Variants in IL7 observed in about 807,000 individuals in gnomAD.
The protein encoded by IL7 is interleukin-7.
A neutral mutation model predicts 21.6 loss-of-function variants in IL7; 3 were observed. The ratio of observed to expected loss-of-function variants is 0.14; its 90% confidence interval spans 0.06 to 0.36. The LOEUF is 0.36. IL7 is among the 10% of genes least tolerant of loss of function. IL7 has a pLI of 1.00. For missense variants in IL7, 175 were observed against 200.2 expected (o/e 0.87, Z 0.76); for synonymous variants, 62 against 68.1 (o/e 0.91, Z 0.44).
chr8:78,686,465 A>T, intron 3 of IL7: 1 of 1,340,586 alleles, frequency 7.5e-7, no homozygotes, highest in Non-Finnish European at 9.8e-7. Flanking sequence ...ATTTATTTAT[A>T]GCCAGAACCA....
intron 1 of IL7, among the ~76,000 whole-genome samples, chr8:78,798,434 A>G (rs543060693): frequency 5.3e-5 from 8 of 152,176 alleles, no homozygotes; most frequent in Non-Finnish European, 1.2e-4. Context: ...ATTACTCTTT[A>G]GGAAAGTGCA....
Position 78,700,338 on chromosome 8 carries a change from CTTTTTTTCTTGTAAGTTTG to C in IL7, n.215-14410_215-14392del, listed in dbSNP as rs1386111878. Among the ~76,000 whole-genome samples the C allele has an allele frequency of 6.0e-5, 9 of 151,134 alleles. No individual in the cohort carries two copies. In the South Asian group the frequency reaches 8.4e-4, roughly 14 times the overall value. On this transcript the variant is annotated intron_variant and non_coding_transcript_variant, in intron 3 of 4. Coordinates refer to the IL7 transcript ENST00000523959. ...TGTTTGTTTTTTTTCTTGTAAGTTT[CTTTTTTTCTTGTAAGTTTG>C]TTTTTTTCTTGTAAGTTTGTTTGTT...
intron 2 of IL7, among the ~76,000 whole-genome samples, chr8:78,791,476 C>A (rs1813692227): frequency 6.6e-6 from 1 of 152,006 alleles, no homozygotes; most frequent in Non-Finnish European, 1.5e-5. Context: ...CCCATCTCTA[C>A]TAAAAATACA....
rs1396697181 is a variant in IL7 at position 78,804,944 on chromosome 8, G to A, written c.-22C>T. On this transcript the variant is annotated 5_prime_UTR_variant, in exon 1 of 6. Transcript: ENST00000263851. ...ACATGGTCTGCGGGAGGCGGGCGTA[G>A]TCATGATGACCGCAACTGGAGCAGG... 3.1e-6 allele frequency: 5 copies of A among 1,611,018 alleles called. No individual in the cohort carries two copies. The highest frequency in any genetic ancestry group is 4.5e-5 in the East Asian group (2 of 44,744).
At chr8:78,796,538 GAGAT>G (rs916778944) in intron 2 of IL7, among the ~76,000 whole-genome samples, 1 of 151,848 alleles carries the variant, frequency 6.6e-6, no homozygotes, top group African/African-American at 2.4e-5. Flanking sequence ...AATTAAAAAA[GAGAT>G]AGTGCATGAT....
At position 78,804,950 on chromosome 8, in the gene IL7, A is replaced by T. The variant is rs755108905; in HGVS notation, c.-28T>A. 3 of 1,610,384 alleles carry T rather than the reference A, an allele frequency of 1.9e-6. No homozygotes were observed. Among genetic ancestry groups the T allele is most frequent in the South Asian group, 2.2e-5 (2 of 90,626 alleles). On this transcript the variant is annotated 5_prime_UTR_variant, in exon 1 of 6. Transcript: ENST00000263851. ...TCTGCGGGAGGCGGGCGTAGTCATG[A>T]TGACCGCAACTGGAGCAGGAGCAAG...
intron 2 of IL7, among the ~76,000 whole-genome samples, chr8:78,742,543 CTTATA>C (rs1811824517): frequency 6.6e-6 from 1 of 151,794 alleles, no homozygotes; most frequent in South Asian, 2.1e-4. Context: ...TCTTTTAACT[CTTATA>C]GTAGAGGAAA....
At chr8:78,720,449 T>G (rs1811217172) in intron 5 of IL7, among the ~76,000 whole-genome samples, 1 of 151,900 alleles carries the variant, frequency 6.6e-6, no homozygotes, top group African/African-American at 2.4e-5. Context: ...TGTTACTCAA[T>G]GCTCCTCATT....
chr8:78,798,056 C>T lies in IL7; in HGVS notation c.147+16G>A. 6.3e-7 allele frequency: 1 copy of T among 1,581,452 alleles called. No homozygotes were observed. The highest frequency in any genetic ancestry group is 2.3e-5 in the East Asian group (1 of 44,314). ...CCAATGCATGAAAATGTGAGTAAAA[C>T]AAAATAATCACATACCAATAATTGA... On this transcript the variant is annotated intron_variant, in intron 2 of 5. Coordinates refer to ENST00000263851, the MANE Select transcript of IL7 (RefSeq NM_000880.4).
At chr8:78,737,667 C>T (rs184574822) in intron 4 of IL7, among the ~76,000 whole-genome samples, 7 of 152,112 alleles carry the variant, frequency 4.6e-5, no homozygotes, top group Admixed American at 3.9e-4. Flanking sequence ...ACCATTTTAC[C>T]TTCTATGGGA....
At chr8:78,696,096 G>A (rs1005640092) in intron 3 of IL7, among the ~76,000 whole-genome samples, 2 of 151,706 alleles carry the variant, frequency 1.3e-5, no homozygotes, top group Admixed American at 1.3e-4. Flanking sequence ...GTGCAGTGGC[G>A]TGATCTCGGC....
intron 3 of IL7, among the ~76,000 whole-genome samples, chr8:78,693,655 G>A (rs1810296512): frequency 6.6e-6 from 1 of 151,954 alleles, no homozygotes; most frequent in African/African-American, 2.4e-5. Flanking sequence ...TGAGTAGATT[G>A]CAAAAATTTT....
At chr8:78,798,821 T>C (rs1216675805) in intron 1 of IL7, among the ~76,000 whole-genome samples, 1 of 152,074 alleles carries the variant, frequency 6.6e-6, no homozygotes, top group East Asian at 1.9e-4. Context: ...CCTTTCACTA[T>C]CTTCTGTCTC....
chr8:78,678,810 A>C lies in IL7; in HGVS notation n.274-2706T>G, dbSNP rs1455517562. 1.1e-5 allele frequency: 6 copies of C among 523,108 alleles called. No homozygotes were observed. The East Asian group carries it at 2.1e-4, about 18-fold the overall frequency. The allele number at this position is 523,108 out of a possible 1,614,324, so 32.4% of individuals were successfully genotyped here. A position where few individuals can be genotyped will look rare whatever the true frequency, so the allele number is the denominator to read the frequency against. On this transcript the variant is annotated intron_variant and non_coding_transcript_variant, in intron 4 of 4. Transcript: ENST00000523959. ...ACATTAAGATTAAAGAATAAATACA[A>C]TTCTGTGTTATATGTTCAGTTTAGA...
intron 2 of IL7, among the ~76,000 whole-genome samples, chr8:78,769,676 A>G (rs1478704730): frequency 6.6e-6 from 1 of 152,218 alleles, no homozygotes; most frequent in Non-Finnish European, 1.5e-5. Context: ...CAGAATTGGA[A>G]AAAACTACTT....
rs151126227 is a variant in IL7 at position 78,725,148 on chromosome 8, A to G, written n.268-3708T>C. Among the ~76,000 whole-genome samples the G allele has an allele frequency of 2.0e-5, 3 of 152,126 alleles. No individual in the cohort carries two copies. The East Asian group carries it at 5.8e-4, about 29-fold the overall frequency. On this transcript the variant is annotated intron_variant and non_coding_transcript_variant, in intron 3 of 6. Transcript: ENST00000519833. ...TTTCTATACTTTCTTACAGCGAGGG[A>G]GTATTCATGTGACTTGGGAACTACT...
intron 1 of IL7, among the ~76,000 whole-genome samples, chr8:78,804,004 C>G (rs1033371683): frequency 2.4e-4 from 36 of 152,264 alleles, no homozygotes; most frequent in African/African-American, 7.0e-4. Flanking sequence ...TGAGGAAGTA[C>G]TTACTGTAAA....
intron 3 of IL7, among the ~76,000 whole-genome samples, chr8:78,705,537 C>T (rs1810744466): frequency 6.6e-6 from 1 of 152,004 alleles, no homozygotes; most frequent in Non-Finnish European, 1.5e-5. Flanking sequence ...TGGGAGGCTC[C>T]ACCTGGTGAT....
rs184419044 is a variant in IL7, at chr8:78,792,931, A to T, written c.147+5141T>A. On this transcript the variant is annotated intron_variant, in intron 2 of 5. Transcript: ENST00000263851. ...ATTTGACTACTAGGAACATATCAAG[A>T]CAATTGTATAAAAACTTGCATAGCC... 3.2e-4 allele frequency among the ~76,000 whole-genome samples: 48 copies of T among 152,278 alleles called. 1 individual carries two copies. Among genetic ancestry groups the T allele is most frequent in the African/African-American group, 1.0e-3 (43 of 41,580 alleles).
Sources: allele counts gnomAD v4.1 joint callset (sites outside exome capture counted in the v4.1 genomes callset), GRCh38; gene constraint gnomAD v4.1.1; transcripts MANE v1.5; gene names NCBI Gene and HGNC (gene_info 2026-07-23, HGNC 2026-07-21).